ATP6V1H: variants seen among roughly 807,000 people sequenced by gnomAD.
The protein encoded by ATP6V1H is V-type proton ATPase subunit H.
A neutral mutation model predicts 71.7 loss-of-function variants in ATP6V1H; 39 were observed. The observed-to-expected ratio is 0.54, with a 90% CI of 0.42 to 0.71. The LOEUF (loss-of-function observed/expected upper bound fraction) is 0.71. Among genes scored for constraint, ATP6V1H ranks in the 30% least tolerant of loss-of-function variants. ATP6V1H has a pLI of 0.00. For missense variants in ATP6V1H, 509 were observed against 594.9 expected (o/e 0.86, Z 1.50); for synonymous variants, 192 against 199.3 (o/e 0.96, Z 0.31).
At chr8:53,729,599 T>A (rs1312035320) in intron 13 of ATP6V1H, among the ~76,000 whole-genome samples, 1 of 152,216 alleles carries the variant, frequency 6.6e-6, no homozygotes, top group Non-Finnish European at 1.5e-5. Context: ...CTCACCCTGC[T>A]GTGGGGAGGA....
chr8:53,758,563 C>T (rs1217009110), intron 11 of ATP6V1H, among the ~76,000 whole-genome samples: 1 of 152,214 alleles, frequency 6.6e-6, no homozygotes, highest in Non-Finnish European at 1.5e-5. Flanking sequence ...AGTGCCTCTT[C>T]TTTTTCCCTT....
intron 9 of ATP6V1H, among the ~76,000 whole-genome samples, chr8:53,777,811 G>T (rs925862925): frequency 3.3e-5 from 5 of 152,186 alleles, no homozygotes; most frequent in Admixed American, 2.0e-4. Context: ...GGCTTCCAAA[G>T]TTTGCTGATC....
chr8:53,743,234 T>C (rs1028933377), intron 13 of ATP6V1H, among the ~76,000 whole-genome samples: 1 of 152,192 alleles, frequency 6.6e-6, no homozygotes, highest in African/African-American at 2.4e-5. Flanking sequence ...GCTGAATAGG[T>C]AAGCCTTGCA....
intron 2 of ATP6V1H, chr8:53,839,491 A>G: frequency 1.5e-5 from 9 of 601,620 alleles, no homozygotes; most frequent in Non-Finnish European, 1.9e-5. Context: ...GAAGTCATCC[A>G]AGACTTCTCT....
At chr8:53,785,818 G>C (rs558267914) in intron 9 of ATP6V1H, among the ~76,000 whole-genome samples, 2 of 152,304 alleles carry the variant, frequency 1.3e-5, no homozygotes, top group South Asian at 4.1e-4. Context: ...GACCCTGTTT[G>C]CCTGGGTATC....
chr8:53,794,316 T>A (rs1192570009), intron 9 of ATP6V1H, among the ~76,000 whole-genome samples: 5 of 152,248 alleles, frequency 3.3e-5, no homozygotes, highest in Non-Finnish European at 5.9e-5. Context: ...TTGGCAAATG[T>A]GTTATCTACA....
chr8:53,732,207 T>C (rs1807048552), intron 13 of ATP6V1H, among the ~76,000 whole-genome samples: 1 of 152,194 alleles, frequency 6.6e-6, no homozygotes, highest in Admixed American at 6.5e-5. Context: ...GAGTGACCTT[T>C]TACCCTTTCC....
intron 9 of ATP6V1H, among the ~76,000 whole-genome samples, chr8:53,791,923 T>C (rs1217307590): frequency 6.6e-6 from 1 of 152,210 alleles, no homozygotes; most frequent in East Asian, 1.9e-4. Flanking sequence ...AACCCACAAC[T>C]GTTTTGTGAT....
intron 7 of ATP6V1H, among the ~76,000 whole-genome samples, chr8:53,804,625 G>C (rs777111074): frequency 3.9e-5 from 6 of 152,182 alleles, no homozygotes; most frequent in Non-Finnish European, 7.4e-5. Context: ...AGTGAGCAGA[G>C]ACGGCATCAC....
intron 4 of ATP6V1H, among the ~76,000 whole-genome samples, chr8:53,824,021 A>C (rs778244719): frequency 3.9e-4 from 60 of 152,028 alleles, no homozygotes; most frequent in Non-Finnish European, 7.5e-4. Context: ...AGAAAGCACA[A>C]ATAAACTAAG....
intron 3 of ATP6V1H, among the ~76,000 whole-genome samples, chr8:53,830,336 A>G (rs888927201): frequency 6.6e-6 from 1 of 152,208 alleles, no homozygotes; most frequent in Admixed American, 6.5e-5. Context: ...ATAAATCCCC[A>G]ATGTAACAAA....
chr8:53,827,627 G>C (rs1810866354), intron 4 of ATP6V1H, among the ~76,000 whole-genome samples: 1 of 151,872 alleles, frequency 6.6e-6, no homozygotes, highest in Non-Finnish European at 1.5e-5. Flanking sequence ...TCGTATTTTA[G>C]GTTCAGGGGT....
At chr8:53,832,111 G>A (rs984805084) in intron 3 of ATP6V1H, 4 of 151,990 alleles carry the variant, frequency 2.6e-5, no homozygotes, top group African/African-American at 9.7e-5. Flanking sequence ...ATCTTTACAG[G>A]CATAGTAGGG....
At chr8:53,763,178 C>A (rs577711680) in intron 11 of ATP6V1H, among the ~76,000 whole-genome samples, 4 of 152,064 alleles carry the variant, frequency 2.6e-5, no homozygotes, top group Non-Finnish European at 5.9e-5. Flanking sequence ...GGAGGAGGGT[C>A]GGCATCCCTA....
chr8:53,735,325 G>A (rs1021761603), intron 13 of ATP6V1H, among the ~76,000 whole-genome samples: 4 of 152,038 alleles, frequency 2.6e-5, no homozygotes, highest in Admixed American at 6.6e-5. Context: ...CTTACGAATC[G>A]CCTCAGATAA....
At chr8:53,773,116 G>C (rs1808735123) in intron 9 of ATP6V1H, among the ~76,000 whole-genome samples, 1 of 152,082 alleles carries the variant, frequency 6.6e-6, no homozygotes, top group South Asian at 2.1e-4. Context: ...CCTGAGAGTA[G>C]TTTGCCTTAT....
chr8:53,729,984 C>T (rs16919511), intron 13 of ATP6V1H, among the ~76,000 whole-genome samples: 3,944 of 152,280 alleles, frequency 0.026, 180 homozygotes, highest in African/African-American at 0.09. Context: ...TCAGCTGATG[C>T]GGAAAGCTGA....
chr8:53,722,976 T>C (rs1806677516), intron 13 of ATP6V1H, among the ~76,000 whole-genome samples: 1 of 152,242 alleles, frequency 6.6e-6, no homozygotes, highest in African/African-American at 2.4e-5. Flanking sequence ...TTTATAATTA[T>C]ACTTGAAGAA....
At chr8:53,727,926 G>T (rs1460065325) in intron 13 of ATP6V1H, among the ~76,000 whole-genome samples, 1 of 152,154 alleles carries the variant, frequency 6.6e-6, no homozygotes, top group Non-Finnish European at 1.5e-5. Flanking sequence ...TTCGCCACCA[G>T]CTCCATGCAA....
Sources: gnomAD v4.1 joint callset for allele counts (sites outside exome capture counted in the v4.1 genomes callset) on GRCh38, gnomAD v4.1.1 for gene constraint, MANE v1.5 for transcripts, NCBI Gene and HGNC (gene_info 2026-07-23, HGNC 2026-07-21) for gene names.